Variants in GSE1 observed in about 807,000 individuals in gnomAD.
GSE1 encodes Gse1 coiled-coil protein.
A neutral mutation model predicts 112.6 loss-of-function variants in GSE1; 32 were observed. The observed-to-expected ratio is 0.28, with a 90% confidence interval of 0.21 to 0.38. The LOEUF is 0.38. Among genes scored for constraint, GSE1 ranks in the 10% least tolerant of loss-of-function variants. The pLI, the probability that GSE1 is intolerant of heterozygous loss-of-function variation, is 1.00. For synonymous variants in GSE1, 1,115 were observed against 735.6 expected, an observed-to-expected ratio of 1.52 and a Z score of -8.35; for missense variants, 2,348 against 1,699.2, an observed-to-expected ratio of 1.38 and a Z score of -6.71.
intron 2 of GSE1, among the ~76,000 whole-genome samples, chr16:85,412,967 G>A (rs546650860): frequency 1.3e-5 from 2 of 152,184 alleles, no homozygotes; most frequent in South Asian, 4.1e-4. Flanking sequence ...ATCGGCCCGG[G>A]TGCCTGTTCG....
intron 2 of GSE1, among the ~76,000 whole-genome samples, chr16:85,394,555 G>A (rs982642900): frequency 1.3e-5 from 2 of 152,114 alleles, no homozygotes; most frequent in Non-Finnish European, 2.9e-5. Context: ...GGGGTCACTG[G>A]TTTAGTCCTG....
At chr16:85,305,239 C>T (rs1481578293) in intron 1 of GSE1, among the ~76,000 whole-genome samples, 2 of 152,234 alleles carry the variant, frequency 1.3e-5, no homozygotes, top group Non-Finnish European at 2.9e-5. Flanking sequence ...TCGTTCCAGT[C>T]CGCGAAGCTA....
intron 1 of GSE1, among the ~76,000 whole-genome samples, chr16:85,349,909 G>C (rs1277014834): frequency 2.6e-5 from 4 of 152,230 alleles, no homozygotes; most frequent in Non-Finnish European, 4.4e-5. Context: ...CTAGGCGTGG[G>C]GGTGCAGAAC....
chr16:85,633,348 C>T (rs903498126), intron 1 of GSE1, among the ~76,000 whole-genome samples: 36 of 152,256 alleles, frequency 2.4e-4, no homozygotes, highest in African/African-American at 7.9e-4. Flanking sequence ...TGGACTGGGC[C>T]GAGTTGGGGC....
At chr16:85,425,121 G>A (rs1031803060) in intron 2 of GSE1, among the ~76,000 whole-genome samples, 4 of 152,240 alleles carry the variant, frequency 2.6e-5, no homozygotes, top group African/African-American at 9.6e-5. Flanking sequence ...GGGGCGGGGG[G>A]TTGTCCCAGC....
intron 1 of GSE1, among the ~76,000 whole-genome samples, chr16:85,581,598 C>A (rs1294750389): frequency 6.6e-6 from 1 of 152,184 alleles, no homozygotes; most frequent in Non-Finnish European, 1.5e-5. Context: ...CGTAGAAGTT[C>A]AGCATGCGTC....
intron 1 of GSE1, among the ~76,000 whole-genome samples, chr16:85,211,753 G>T (rs1169384056): frequency 6.6e-6 from 1 of 152,216 alleles, no homozygotes; most frequent in Non-Finnish European, 1.5e-5. Flanking sequence ...CGCGAGAGAG[G>T]TATCAGTGCC....
chr16:85,204,004 G>C (rs2075073878), intron 1 of GSE1, among the ~76,000 whole-genome samples: 1 of 152,180 alleles, frequency 6.6e-6, no homozygotes, highest in Non-Finnish European at 1.5e-5. Context: ...GGCTCAAGCA[G>C]TCTTTCTGCC....
intron 1 of GSE1, among the ~76,000 whole-genome samples, chr16:85,578,253 T>A (rs1007308191): frequency 6.6e-6 from 1 of 152,240 alleles, no homozygotes; most frequent in African/African-American, 2.4e-5. Context: ...CCCCAGGTTT[T>A]ATGGCTGGAG....
Position 85,373,401 on chromosome 16 carries a change from G to A in GSE1, c.2464+15758G>A, listed in dbSNP as rs2047343389. Among the ~76,000 whole-genome samples the A allele has an allele frequency of 6.6e-6, 1 of 152,168 alleles. No individual in the cohort carries two copies. The highest frequency in any genetic ancestry group is 1.5e-5 in the Non-Finnish European group (1 of 68,004). ...TCTCTTGTCAAACAGACAAAAAATG[G>A]AAAGAAAGCAAGGGAGGGAAGAGCA... On this transcript the variant is annotated intron_variant, in intron 2 of 2. Transcript: ENST00000637419. The surrounding 1 kb of genome is among the most constrained non-coding windows in gnomAD (Gnocchi z 5.1).
At chr16:85,418,801 G>A (rs570462551) in intron 2 of GSE1, among the ~76,000 whole-genome samples, 1 of 152,346 alleles carries the variant, frequency 6.6e-6, no homozygotes, top group African/African-American at 2.4e-5. Flanking sequence ...GACCAGGGTG[G>A]CAGCTTTGTA....
chr16:85,619,437 G>A lies in GSE1; in HGVS notation c.7+6039G>A, dbSNP rs529629186. Reference sequence around the variant, plus strand: ...AGTGGAGGCGGGAGGGGGGTGGGGCGCAGCCTTAAGGGCCACTTCTAGGCT... The same window carrying A: ...AGTGGAGGCGGGAGGGGGGTGGGGCACAGCCTTAAGGGCCACTTCTAGGCT... On this transcript the variant is annotated intron_variant, in intron 1 of 15. Coordinates refer to ENST00000253458, the MANE Select transcript of GSE1 (RefSeq NM_014615.5). Among the ~76,000 whole-genome samples, 6 of 152,128 alleles carry A rather than the reference G, an allele frequency of 3.9e-5. No individual in the cohort carries two copies. In the East Asian group the frequency reaches 5.8e-4, roughly 15 times the overall value.
chr16:85,507,618 G>T (rs936163605), intron 2 of GSE1, among the ~76,000 whole-genome samples: 2 of 152,114 alleles, frequency 1.3e-5, no homozygotes, highest in Admixed American at 6.5e-5. Context: ...TCGCCTTGGT[G>T]TGTGAACGCC....
intron 2 of GSE1, among the ~76,000 whole-genome samples, chr16:85,364,390 C>T (rs1366681852): frequency 2.6e-5 from 4 of 152,230 alleles, no homozygotes; most frequent in Non-Finnish European, 2.9e-5. Flanking sequence ...CAACCTTAAT[C>T]CCCTTTTCCC....
chr16:85,327,816 G>A (rs909355696), intron 1 of GSE1, among the ~76,000 whole-genome samples: 1 of 152,260 alleles, frequency 6.6e-6, no homozygotes, highest in Non-Finnish European at 1.5e-5. Flanking sequence ...CTGAGGTCCC[G>A]GGGGGAGAGT....
intron 14 of GSE1, 75 bp downstream of exon 14, chr16:85,668,499 A>C (rs1409126050): frequency 1.0e-6 from 1 of 1,003,566 alleles, no homozygotes; most frequent in East Asian, 2.4e-5. Flanking sequence ...TGATGAGTTC[A>C]TGCAGACCTC....
intron 2 of GSE1, among the ~76,000 whole-genome samples, chr16:85,541,521 C>A (rs1474962525): frequency 6.6e-6 from 1 of 152,216 alleles, no homozygotes; most frequent in East Asian, 1.9e-4. Context: ...CACCTGGGGG[C>A]CCACACTGTC....
chr16:85,634,284 G>A (rs1471092765), intron 2 of GSE1, 152 bp downstream of exon 2: 4 of 580,074 alleles, frequency 6.9e-6, no homozygotes, highest in Non-Finnish European at 1.1e-5. Flanking sequence ...CTGAGCTACA[G>A]ACCCTGGGCC....
intron 2 of GSE1, among the ~76,000 whole-genome samples, chr16:85,486,919 G>T (rs114399107): frequency 0.018 from 2,790 of 152,292 alleles, 95 homozygotes; most frequent in African/African-American, 0.063. Flanking sequence ...TCAGGCGAAA[G>T]TATAGTTTTT....
Sources: allele counts gnomAD v4.1 joint callset (sites outside exome capture counted in the v4.1 genomes callset), GRCh38; gene constraint gnomAD v4.1.1; non-coding constraint Gnocchi (gnomAD v3.1); transcripts MANE v1.5; gene names NCBI Gene and HGNC (gene_info 2026-07-23, HGNC 2026-07-21).